Variants in GPR39 observed in about 807,000 individuals in gnomAD.
The protein encoded by GPR39 is G protein-coupled receptor 39.
A neutral mutation model predicts 18.4 loss-of-function variants in GPR39; 23 were observed. The observed-to-expected ratio is 1.25, with a 90% CI of 0.90 to 1.77. The LOEUF (loss-of-function observed/expected upper bound fraction) is 1.77, where lower values mean the gene tolerates loss of function less well. Among genes scored for constraint, GPR39 ranks in the 40% most tolerant of loss-of-function variants. GPR39 has a pLI of 0.00. For missense variants in GPR39, 647 were observed against 602.4 expected (o/e 1.07, Z -0.78); for synonymous variants, 280 against 257.9 (o/e 1.09, Z -0.82).
chr2:132,474,244 C>G (rs1464798122), intron 1 of GPR39, among the ~76,000 whole-genome samples: 1 of 152,194 alleles, frequency 6.6e-6, no homozygotes, highest in Non-Finnish European at 1.5e-5. Flanking sequence ...TTCTGCATAT[C>G]TCTGCACTGG....
chr2:132,645,546 C>T lies in GPR39; in HGVS notation c.1302C>T (p.Asn434=), dbSNP rs1295595406. 2 of 1,614,154 alleles carry T rather than the reference C, an allele frequency of 1.2e-6. No homozygotes were observed. The highest frequency in any genetic ancestry group is 1.1e-5 in the South Asian group (1 of 91,084). ...QSLSLESLEP[N]SGAKPANSAA... ...TGAGTCTCGAGTCACTAGAGCCCAACTCAGGCGCGAAACCAGCCAATTCTG... is the reference window on the plus strand; with the variant it reads ...TGAGTCTCGAGTCACTAGAGCCCAATTCAGGCGCGAAACCAGCCAATTCTG... The change falls in exon 2 of 2, where the codon AAC becomes AAT. Residue 434 remains asparagine, a synonymous_variant. Transcript: ENST00000329321.
At chr2:132,626,127 G>T (rs780810316) in intron 1 of GPR39, among the ~76,000 whole-genome samples, 2 of 151,568 alleles carry the variant, frequency 1.3e-5, no homozygotes, top group African/African-American at 4.8e-5. Flanking sequence ...AACTAAAAAA[G>T]TAGCCTAAAA....
intron 1 of GPR39, among the ~76,000 whole-genome samples, chr2:132,426,074 AG>A (rs1201657959): frequency 1.3e-5 from 2 of 152,236 alleles, no homozygotes; most frequent in African/African-American, 4.8e-5. Context: ...AGGAGCTCCC[AG>A]GTAAACACAT....
intron 1 of GPR39, among the ~76,000 whole-genome samples, chr2:132,532,824 T>G (rs537704286): frequency 7.3e-4 from 111 of 152,192 alleles, no homozygotes; most frequent in Admixed American, 2.4e-3. Context: ...CTCAATAAAT[T>G]AGGTATTGAT....
intron 1 of GPR39, among the ~76,000 whole-genome samples, chr2:132,564,522 A>G (rs1030186654): frequency 6.6e-6 from 1 of 152,152 alleles, no homozygotes; most frequent in African/African-American, 2.4e-5. Context: ...TGCCCCGAGT[A>G]GGTAAGGAGG....
chr2:132,548,698 C>A (rs1679989104), intron 1 of GPR39, among the ~76,000 whole-genome samples: 1 of 152,192 alleles, frequency 6.6e-6, no homozygotes, highest in Non-Finnish European at 1.5e-5. Context: ...TCCTCAACTG[C>A]AAAATAGGGA....
chr2:132,589,532 G>C, intron 1 of GPR39, among the ~76,000 whole-genome samples: 1 of 152,174 alleles, frequency 6.6e-6, no homozygotes, highest in Non-Finnish European at 1.5e-5. Flanking sequence ...TTCCAGCTCA[G>C]ATGTCTTAGG....
chr2:132,436,489 G>A (rs1424986898), intron 1 of GPR39, among the ~76,000 whole-genome samples: 2 of 152,124 alleles, frequency 1.3e-5, no homozygotes, highest in East Asian at 3.9e-4. Context: ...ACTCGAGGCT[G>A]CTGGAGTCAT....
chr2:132,567,791 T>C (rs1215183583), intron 1 of GPR39, among the ~76,000 whole-genome samples: 4 of 152,132 alleles, frequency 2.6e-5, no homozygotes, highest in African/African-American at 9.7e-5. Context: ...CTACTGATAC[T>C]TGGGCCTCAC....
intron 1 of GPR39, among the ~76,000 whole-genome samples, chr2:132,538,952 T>C (rs2104783482): frequency 6.6e-6 from 1 of 152,284 alleles, no homozygotes; most frequent in Non-Finnish European, 1.5e-5. Context: ...CAGACTGTTG[T>C]GCTGGCAGCG....
chr2:132,512,867 CTT>C (rs1679265695), intron 1 of GPR39, among the ~76,000 whole-genome samples: 1 of 152,178 alleles, frequency 6.6e-6, no homozygotes, highest in Admixed American at 6.5e-5. Context: ...GGCTGGGAAA[CTT>C]AGACTTTCCA....
chr2:132,496,532 A>G (rs1558816615), intron 1 of GPR39, among the ~76,000 whole-genome samples: 1 of 152,232 alleles, frequency 6.6e-6, no homozygotes, highest in Non-Finnish European at 1.5e-5. Flanking sequence ...AACAAGGCAA[A>G]TAAAACAGAA....
At chr2:132,524,315 G>A (rs370333541) in intron 1 of GPR39, among the ~76,000 whole-genome samples, 3 of 152,324 alleles carry the variant, frequency 2.0e-5, no homozygotes, top group African/African-American at 7.2e-5. Context: ...GACATGTTAA[G>A]CATGGGTCAC....
chr2:132,617,395 C>T (rs372021584), intron 1 of GPR39, among the ~76,000 whole-genome samples: 261 of 152,222 alleles, frequency 1.7e-3, no homozygotes, highest in Middle Eastern at 3.4e-3. Context: ...CTTTGCTTCT[C>T]TACTTGAACC....
chr2:132,429,921 G>T (rs1680193990), intron 1 of GPR39, among the ~76,000 whole-genome samples: 1 of 152,250 alleles, frequency 6.6e-6, no homozygotes, highest in South Asian at 2.1e-4. Flanking sequence ...TAGCAGTGAT[G>T]AATTTAGACT....
Position 132,527,890 on chromosome 2 carries a change from TTTTTG to T in GPR39, c.856+110008_856+110012del, listed in dbSNP as rs796211717. Among the ~76,000 whole-genome samples the T allele has an allele frequency of 1.1e-3, 169 of 151,640 alleles. 1 individual carries two copies. Among genetic ancestry groups the T allele is most frequent in the African/African-American group, 3.9e-3 (162 of 41,488 alleles). On this transcript the variant is annotated intron_variant, in intron 1 of 1. Coordinates refer to ENST00000329321, the MANE Select transcript of GPR39 (RefSeq NM_001508.3). ...CTTTTCTTCACTCTGATGATAGTTT[TTTTTG>T]TTTTGTTTTGTTTTGCTGTGCAGAA...
chr2:132,462,540 G>T (rs1278548545), intron 1 of GPR39, among the ~76,000 whole-genome samples: 2 of 152,164 alleles, frequency 1.3e-5, no homozygotes, highest in African/African-American at 4.8e-5. Flanking sequence ...TAATAATGAG[G>T]CTTAATGTTA....
chr2:132,565,939 T>TG, intron 1 of GPR39, among the ~76,000 whole-genome samples: 1 of 141,666 alleles, frequency 7.1e-6, no homozygotes, highest in Non-Finnish European at 1.5e-5. Context: ...CTGGGTCAAA[T>TG]GGTATTTCTA....
intron 1 of GPR39, among the ~76,000 whole-genome samples, chr2:132,498,039 C>T (rs1439554134): frequency 6.6e-6 from 1 of 152,114 alleles, no homozygotes; most frequent in African/African-American, 2.4e-5. Flanking sequence ...TGGGGCTTGA[C>T]AATTCTGTCA....
Sources: allele counts gnomAD v4.1 joint callset (sites outside exome capture counted in the v4.1 genomes callset), GRCh38; gene constraint gnomAD v4.1.1; transcripts MANE v1.5; gene names NCBI Gene and HGNC (gene_info 2026-07-23, HGNC 2026-07-21).